Variants in FRMD4A observed in about 807,000 individuals in gnomAD.
The protein encoded by FRMD4A is FERM domain-containing protein 4A.
In FRMD4A, 29 loss-of-function variants were observed where a neutral mutation model predicts 129.1. That is an observed-to-expected ratio of 0.22 (90% confidence interval 0.17 to 0.31). FRMD4A has a LOEUF of 0.31. FRMD4A is among the 10% of genes least tolerant of loss of function. The pLI, the probability that FRMD4A is intolerant of heterozygous loss-of-function variation, is 1.00. For synonymous variants in FRMD4A, 634 were observed against 571.6 expected, an observed-to-expected ratio of 1.11 and a Z score of -1.56; for missense variants, 1,272 against 1,375.8, an observed-to-expected ratio of 0.92 and a Z score of 1.19.
chr10:14,118,865 A>C (rs997479263), intron 2 of FRMD4A, among the ~76,000 whole-genome samples: 1 of 152,184 alleles, frequency 6.6e-6, no homozygotes, highest in African/African-American at 2.4e-5. Context: ...GGACCCAGCC[A>C]AACCATATCA....
chr10:14,038,294 G>A (rs1833601615), intron 2 of FRMD4A, among the ~76,000 whole-genome samples: 1 of 152,202 alleles, frequency 6.6e-6, no homozygotes, highest in Non-Finnish European at 1.5e-5. Flanking sequence ...CTGCACTCCA[G>A]CCTGGGCGAC....
At chr10:13,971,207 A>G (rs942037910) in intron 2 of FRMD4A, among the ~76,000 whole-genome samples, 37 of 152,276 alleles carry the variant, frequency 2.4e-4, no homozygotes, top group African/African-American at 8.9e-4. Flanking sequence ...CACACACCGC[A>G]TGCACGCACG....
intron 6 of FRMD4A, among the ~76,000 whole-genome samples, chr10:13,763,965 C>T (rs1317126136): frequency 6.6e-6 from 1 of 152,134 alleles, no homozygotes; most frequent in Non-Finnish European, 1.5e-5. Context: ...CTCCTAGCCT[C>T]AGGTGACCTG....
intron 2 of FRMD4A, among the ~76,000 whole-genome samples, chr10:13,937,900 AT>A (rs1226108979): frequency 5.9e-5 from 9 of 152,216 alleles, no homozygotes; most frequent in African/African-American, 1.9e-4. Context: ...CAATTCTTGC[AT>A]TTTTTCTATG....
intron 2 of FRMD4A, among the ~76,000 whole-genome samples, chr10:14,201,510 G>A (rs1037885327): frequency 3.9e-5 from 6 of 152,144 alleles, no homozygotes; most frequent in Admixed American, 3.9e-4. Flanking sequence ...CAAAAACACA[G>A]CTGTGTCTGA....
intron 4 of FRMD4A, among the ~76,000 whole-genome samples, chr10:13,801,619 C>A (rs1456765176): frequency 6.6e-6 from 1 of 152,192 alleles, no homozygotes; most frequent in Non-Finnish European, 1.5e-5. Flanking sequence ...ATGAAAACTG[C>A]CCACTATTTG....
chr10:14,314,398 T>C (rs534137860), intron 2 of FRMD4A, among the ~76,000 whole-genome samples: 1 of 152,080 alleles, frequency 6.6e-6, no homozygotes, highest in African/African-American at 2.4e-5. Flanking sequence ...CCAGCCTCTA[T>C]AGTTTAGGAA....
chr10:14,320,098 G>A (rs971409631), intron 2 of FRMD4A, among the ~76,000 whole-genome samples: 4 of 151,298 alleles, frequency 2.6e-5, no homozygotes, highest in Non-Finnish European at 4.4e-5. Context: ...TTTACCTCCC[G>A]CCCAAATTCA....
intron 2 of FRMD4A, among the ~76,000 whole-genome samples, chr10:13,943,036 G>A (rs968302139): frequency 6.6e-6 from 1 of 152,214 alleles, no homozygotes; most frequent in African/African-American, 2.4e-5. Flanking sequence ...TCATAGAAAG[G>A]GGGAGGTGGT....
At chr10:14,120,448 C>T (rs1008792619) in intron 2 of FRMD4A, among the ~76,000 whole-genome samples, 2 of 152,132 alleles carry the variant, frequency 1.3e-5, no homozygotes, top group Admixed American at 6.5e-5. Flanking sequence ...TTTTAAGTTC[C>T]TCCATACAGC....
chr10:13,901,703 A>G (rs1338965325), intron 2 of FRMD4A, among the ~76,000 whole-genome samples: 1 of 152,074 alleles, frequency 6.6e-6, no homozygotes. Flanking sequence ...TGCAAGTGAC[A>G]TCAATCTACC....
At chr10:14,152,799 C>T (rs532624411) in intron 2 of FRMD4A, among the ~76,000 whole-genome samples, 67 of 152,094 alleles carry the variant, frequency 4.4e-4, no homozygotes, top group African/African-American at 1.6e-3. Flanking sequence ...ATGATTGCAC[C>T]ACTGCACTCC....
At chr10:13,872,902 T>C (rs1395322647) in intron 2 of FRMD4A, among the ~76,000 whole-genome samples, 1 of 152,076 alleles carries the variant, frequency 6.6e-6, no homozygotes, top group African/African-American at 2.4e-5. Flanking sequence ...GATAGTTAGA[T>C]GGAGCCTGGG....
intron 4 of FRMD4A, among the ~76,000 whole-genome samples, chr10:13,798,590 G>A (rs955334688): frequency 6.6e-6 from 1 of 152,106 alleles, no homozygotes; most frequent in African/African-American, 2.4e-5. Context: ...AGTGGCAGGC[G>A]CCTGTAGTCC....
intron 2 of FRMD4A, among the ~76,000 whole-genome samples, chr10:14,030,551 ATTGT>A (rs1588824848): frequency 6.6e-6 from 1 of 152,204 alleles, no homozygotes; most frequent in Non-Finnish European, 1.5e-5. Flanking sequence ...GATTTTAAAG[ATTGT>A]TTGTTTGTTT....
At chr10:13,927,025 G>A (rs529802349) in intron 2 of FRMD4A, among the ~76,000 whole-genome samples, 1 of 152,154 alleles carries the variant, frequency 6.6e-6, no homozygotes, top group South Asian at 2.1e-4. Context: ...AGGCTGAGGC[G>A]GGCAGATCAC....
At chr10:13,747,707 G>A (rs184486950) in intron 9 of FRMD4A, 29 bp downstream of exon 9, 45 of 1,227,462 alleles carry the variant, frequency 3.7e-5, no homozygotes, top group African/African-American at 3.2e-4. Context: ...AGAGGGACTC[G>A]CTCCTGGGGA....
At chr10:13,954,244 A>G (rs1045698935) in intron 2 of FRMD4A, among the ~76,000 whole-genome samples, 9 of 152,190 alleles carry the variant, frequency 5.9e-5, no homozygotes, top group African/African-American at 2.2e-4. Context: ...CACTGCTGAT[A>G]AAGACACACC....
chr10:13,884,114 A>ACACACT (rs2094577743), intron 2 of FRMD4A, among the ~76,000 whole-genome samples: 1 of 112,536 alleles, frequency 8.9e-6, no homozygotes, highest in East Asian at 2.5e-4. Context: ...ACACACACAC[A>ACACACT]CACACACTCA....
Sources: gnomAD v4.1 joint callset for allele counts (sites outside exome capture counted in the v4.1 genomes callset) on GRCh38, gnomAD v4.1.1 for gene constraint, MANE v1.5 for transcripts, NCBI Gene and HGNC (gene_info 2026-07-23, HGNC 2026-07-21) for gene names.